Variants in HMGCLL1 observed in about 807,000 individuals in gnomAD.
HMGCLL1 encodes 3-hydroxymethyl-3-methylglutaryl-CoA lyase, cytoplasmic.
Under a neutral mutation model 39.1 loss-of-function variants are expected in HMGCLL1, and 36 were observed. The ratio of observed to expected loss-of-function variants is 0.92; its 90% CI spans 0.71 to 1.22. HMGCLL1 has a LOEUF of 1.22. HMGCLL1 is among the 50% of genes most tolerant of loss of function. The pLI, the probability that HMGCLL1 is intolerant of heterozygous loss-of-function variation, is 0.00. For synonymous variants in HMGCLL1, 149 were observed against 144.0 expected, an observed-to-expected ratio of 1.03 and a Z score of -0.25; for missense variants, 451 against 416.5, an observed-to-expected ratio of 1.08 and a Z score of -0.72.
At position 55,556,792 on chromosome 6, in the gene HMGCLL1, T is replaced by C. The variant is rs533922198; in HGVS notation, c.109-14652A>G. Among the ~76,000 whole-genome samples the C allele has an allele frequency of 1.2e-4, 18 of 152,246 alleles. No homozygotes were observed. The South Asian group carries it at 3.5e-3, about 30-fold the overall frequency. On this transcript the variant is annotated intron_variant, in intron 1 of 8. Coordinates refer to ENST00000274901, the MANE Select transcript of HMGCLL1 (RefSeq NM_001042406.2). The stretch of plus-strand genomic sequence containing the variant: ...GGATCTTTTGGGTACGAGGGCCAAG[T>C]GGAGACGCTGAGAGTACATTAACTT...
chr6:55,480,566 A>G (rs1487139874), intron 7 of HMGCLL1, among the ~76,000 whole-genome samples: 1 of 151,702 alleles, frequency 6.6e-6, no homozygotes, highest in African/African-American at 2.4e-5. Flanking sequence ...AGATTCCTCA[A>G]AGTAAAAATA....
intron 3 of HMGCLL1, among the ~76,000 whole-genome samples, chr6:55,541,371 CTTA>C (rs953719079): frequency 2.6e-5 from 4 of 152,136 alleles, no homozygotes; most frequent in African/African-American, 9.7e-5. Flanking sequence ...TATCAGGCTA[CTTA>C]TTATCATTTG....
chr6:55,603,321 C>T, the HMGCLL1 span, among the ~76,000 whole-genome samples: 4,582 of 152,084 alleles, frequency 0.03, 249 homozygotes, highest in African/African-American at 0.11. Context: ...AGATATTTGG[C>T]ACTCTTTTGA....
At chr6:55,536,549 AT>A (rs1769038251) in intron 3 of HMGCLL1, among the ~76,000 whole-genome samples, 1 of 152,162 alleles carries the variant, frequency 6.6e-6, no homozygotes, top group Non-Finnish European at 1.5e-5. Context: ...AATAAACTTT[AT>A]CTATTTTTAT....
chr6:55,473,774 GT>G (rs1266512721), intron 7 of HMGCLL1, among the ~76,000 whole-genome samples: 1 of 151,212 alleles, frequency 6.6e-6, no homozygotes, highest in Non-Finnish European at 1.5e-5. Flanking sequence ...GTCTTTTTAA[GT>G]TTCTAGTTGG....
the HMGCLL1 span, among the ~76,000 whole-genome samples, chr6:55,595,828 C>T: frequency 2.6e-5 from 4 of 152,064 alleles, no homozygotes; most frequent in African/African-American, 4.8e-5. Context: ...ATATCATTGA[C>T]CCACAATTTT....
chr6:55,459,224 T>C (rs1034162090), intron 7 of HMGCLL1, among the ~76,000 whole-genome samples: 1 of 152,128 alleles, frequency 6.6e-6, no homozygotes, highest in South Asian at 2.1e-4. Flanking sequence ...ATATTTAAGA[T>C]GTAGCCTTTG....
chr6:55,500,645 G>A (rs528643836), intron 5 of HMGCLL1, among the ~76,000 whole-genome samples: 9 of 151,892 alleles, frequency 5.9e-5, no homozygotes, highest in Non-Finnish European at 1.0e-4. Flanking sequence ...AGTAAAATTG[G>A]AAAGTTATGC....
chr6:55,564,289 G>A (rs1325332079), intron 1 of HMGCLL1, among the ~76,000 whole-genome samples: 2 of 151,938 alleles, frequency 1.3e-5, no homozygotes, highest in East Asian at 1.9e-4. Context: ...GAAAACGATG[G>A]AAAATTATTG....
intron 3 of HMGCLL1, among the ~76,000 whole-genome samples, chr6:55,540,131 A>C (rs1016246916): frequency 1.3e-5 from 2 of 151,956 alleles, no homozygotes; most frequent in Non-Finnish European, 2.9e-5. Context: ...TTTTACAAGG[A>C]AAGTATGACG....
chr6:55,456,314 T>A (rs1322009906), intron 7 of HMGCLL1, among the ~76,000 whole-genome samples: 2 of 152,170 alleles, frequency 1.3e-5, no homozygotes, highest in Admixed American at 6.5e-5. Flanking sequence ...ACTTCAACGA[T>A]TCGAAATACC....
chr6:55,523,660 T>C (rs1333769828), intron 3 of HMGCLL1, among the ~76,000 whole-genome samples: 1 of 151,948 alleles, frequency 6.6e-6, no homozygotes, highest in African/African-American at 2.4e-5. Flanking sequence ...CAGTATATCA[T>C]ATAAGATATA....
At chr6:55,572,091 A>G (rs543485334) in intron 1 of HMGCLL1, among the ~76,000 whole-genome samples, 1 of 152,276 alleles carries the variant, frequency 6.6e-6, no homozygotes, top group East Asian at 1.9e-4. Flanking sequence ...ATGCATAAGC[A>G]CATACAAACA....
chr6:55,561,064 A>G (rs1770922260), intron 1 of HMGCLL1, among the ~76,000 whole-genome samples: 1 of 152,160 alleles, frequency 6.6e-6, no homozygotes, highest in East Asian at 1.9e-4. Context: ...TTGTTCAATT[A>G]TGTTTAATAT....
chr6:55,599,122 G>C, the HMGCLL1 span, among the ~76,000 whole-genome samples: 1 of 152,076 alleles, frequency 6.6e-6, no homozygotes, highest in African/African-American at 2.4e-5. Flanking sequence ...GGGGGTTGCG[G>C]GGCTAGGGAA....
At chr6:55,478,349 G>C (rs947832008) in intron 7 of HMGCLL1, among the ~76,000 whole-genome samples, 1 of 151,202 alleles carries the variant, frequency 6.6e-6, no homozygotes, top group Non-Finnish European at 1.5e-5. Flanking sequence ...ACAGAATTTG[G>C]TAAGAAATGT....
chr6:55,478,167 C>A (rs1412800846), intron 7 of HMGCLL1, among the ~76,000 whole-genome samples: 1 of 150,026 alleles, frequency 6.7e-6, no homozygotes, highest in East Asian at 2.0e-4. Flanking sequence ...GTTGGCATAA[C>A]CTTTTTACAA....
At chr6:55,504,882 C>T (rs1331340310) in intron 5 of HMGCLL1, among the ~76,000 whole-genome samples, 1 of 151,506 alleles carries the variant, frequency 6.6e-6, no homozygotes, top group Admixed American at 6.6e-5. Flanking sequence ...TATTTATGTT[C>T]TAAATCCTGT....
At chr6:55,573,384 A>G (rs1260544497) in intron 1 of HMGCLL1, among the ~76,000 whole-genome samples, 1 of 152,182 alleles carries the variant, frequency 6.6e-6, no homozygotes, top group African/African-American at 2.4e-5. Flanking sequence ...AAAACAGACT[A>G]ACTGGAGATC....
Sources: gnomAD v4.1 joint callset for allele counts (sites outside exome capture counted in the v4.1 genomes callset) on GRCh38, gnomAD v4.1.1 for gene constraint, MANE v1.5 for transcripts, NCBI Gene and HGNC (gene_info 2026-07-23, HGNC 2026-07-21) for gene names.